LOC400499: variants seen among roughly 807,000 people sequenced by gnomAD.
the LOC400499 span, among the ~76,000 whole-genome samples, chr16:11,520,698 C>T: frequency 6.7e-6 from 1 of 149,648 alleles, no homozygotes; most frequent in Non-Finnish European, 1.5e-5. Flanking sequence ...AAAAGTTGTA[C>T]CCTTGGGAGA....
At chr16:11,447,223 C>T in the LOC400499 span, among the ~76,000 whole-genome samples, 3 of 152,176 alleles carry the variant, frequency 2.0e-5, no homozygotes, top group Non-Finnish European at 4.4e-5. Flanking sequence ...AATCCAGGCA[C>T]GGTCTTTCAC....
At chr16:11,453,707 C>A in the LOC400499 span, among the ~76,000 whole-genome samples, 2 of 152,000 alleles carry the variant, frequency 1.3e-5, no homozygotes, top group Non-Finnish European at 2.9e-5. Context: ...GTGGCCCACA[C>A]CTCTAATCCC....
At chr16:11,498,467 G>C in the LOC400499 span, among the ~76,000 whole-genome samples, 7 of 151,682 alleles carry the variant, frequency 4.6e-5, no homozygotes, top group African/African-American at 1.5e-4. Flanking sequence ...GGGCAACAGA[G>C]CGAGACTCCG....
chr16:11,446,612 A>G, the LOC400499 span: 1 of 1,536,122 alleles, frequency 6.5e-7, no homozygotes, highest in African/African-American at 1.4e-5. Context: ...TTGCCATCGT[A>G]TGGATGCATC....
At chr16:11,448,005 C>T in the LOC400499 span, 63 of 1,536,128 alleles carry the variant, frequency 4.1e-5, no homozygotes, top group Non-Finnish European at 5.2e-5. Flanking sequence ...CTCCTTCCAA[C>T]TGCAGGCCCC....
chr16:11,458,499 C>CT, the LOC400499 span, among the ~76,000 whole-genome samples: 1 of 145,406 alleles, frequency 6.9e-6, no homozygotes, highest in East Asian at 2.1e-4. Context: ...AAGCGAAACT[C>CT]TGTCTCAAAA....
the LOC400499 span, among the ~76,000 whole-genome samples, chr16:11,389,686 A>AAG: frequency 4.9e-5 from 1 of 20,528 alleles, no homozygotes; most frequent in Non-Finnish European, 1.9e-4. Context: ...ACTCCATCTC[A>AAG]AAAAAAAAAA....
At chr16:11,410,459 A>G in the LOC400499 span, among the ~76,000 whole-genome samples, 1 of 152,224 alleles carries the variant, frequency 6.6e-6, no homozygotes, top group African/African-American at 2.4e-5. Context: ...GTCTCAAAAA[A>G]AATTTAAAAA....
chr16:11,423,667 C>G, the LOC400499 span, among the ~76,000 whole-genome samples: 2 of 152,264 alleles, frequency 1.3e-5, no homozygotes, highest in Non-Finnish European at 2.9e-5. Context: ...TTTAGCCACC[C>G]TCAGGGACAG....
chr16:11,446,606 C>T, the LOC400499 span: 1 of 1,535,986 alleles, frequency 6.5e-7, no homozygotes, highest in African/African-American at 1.4e-5. Flanking sequence ...ATGACTTTGC[C>T]ATCGTATGGA....
the LOC400499 span, among the ~76,000 whole-genome samples, chr16:11,447,489 C>G: frequency 6.6e-6 from 1 of 152,172 alleles, no homozygotes; most frequent in South Asian, 2.1e-4. Flanking sequence ...CGAACGAACA[C>G]TCTGCCAACG....
the LOC400499 span, among the ~76,000 whole-genome samples, chr16:11,383,436 C>T: frequency 7.9e-5 from 12 of 152,178 alleles, no homozygotes; most frequent in African/African-American, 2.7e-4. Flanking sequence ...CTTCACCAAA[C>T]GGAGGGCACT....
chr16:11,392,532 C>T, the LOC400499 span: 8 of 399,256 alleles, frequency 2.0e-5, no homozygotes, highest in Non-Finnish European at 3.1e-5. Context: ...GCTGGTGCCC[C>T]CACCATGTCT....
At chr16:11,413,546 G>T in the LOC400499 span, among the ~76,000 whole-genome samples, 12 of 152,188 alleles carry the variant, frequency 7.9e-5, no homozygotes, top group Non-Finnish European at 1.5e-5. Flanking sequence ...ATGGCCCCAT[G>T]TGGGTTCCTC....
the LOC400499 span, chr16:11,383,712 G>T: frequency 1.6e-6 from 2 of 1,232,518 alleles, no homozygotes; most frequent in Non-Finnish European, 2.0e-6. Flanking sequence ...CCGCCAGGTT[G>T]CAGGCAGGCT....
At chr16:11,421,449 C>G in the LOC400499 span, among the ~76,000 whole-genome samples, 2 of 152,038 alleles carry the variant, frequency 1.3e-5, no homozygotes, top group Non-Finnish European at 2.9e-5. Context: ...CCACCCAGTC[C>G]GGAGTGCAGT....
the LOC400499 span, chr16:11,430,951 A>G: frequency 3.8e-5 from 15 of 398,244 alleles, no homozygotes; most frequent in Non-Finnish European, 6.6e-5. Flanking sequence ...TTGGAGCATC[A>G]CTGGACTTGG....
the LOC400499 span, among the ~76,000 whole-genome samples, chr16:11,463,621 T>A: frequency 2.6e-5 from 4 of 152,170 alleles, no homozygotes; most frequent in Non-Finnish European, 4.4e-5. Flanking sequence ...TATGAATGTA[T>A]GCATACAGAT....
chr16:11,441,899 G>GT, the LOC400499 span, among the ~76,000 whole-genome samples: 1 of 152,214 alleles, frequency 6.6e-6, no homozygotes, highest in Non-Finnish European at 1.5e-5. Context: ...TTCCAAAACT[G>GT]TAAAATCTGT....
Sources: gnomAD v4.1 joint callset for allele counts (sites outside exome capture counted in the v4.1 genomes callset) on GRCh38, gnomAD v4.1.1 for gene constraint, MANE v1.5 for transcripts.